Variants in TMEM168 observed in about 807,000 individuals in gnomAD.
TMEM168 encodes the protein transmembrane protein 168.
TMEM168 carries 40 observed loss-of-function variants against 53.2 expected under a neutral mutation model. The observed-to-expected ratio is 0.75, with a 90% confidence interval of 0.58 to 0.98. TMEM168 has a LOEUF of 0.98. Ranked by LOEUF, TMEM168 falls within the 50% of genes least tolerant of loss-of-function variation. The probability of loss-of-function intolerance (pLI) is 0.00; values close to 1 mark genes in which losing one functional copy is unlikely to be tolerated. For missense variants in TMEM168, 771 were observed against 828.8 expected, an observed-to-expected ratio of 0.93 and a Z score of 0.86; for synonymous variants, 282 against 293.0, an observed-to-expected ratio of 0.96 and a Z score of 0.38.
At chr7:112,787,138 A>T (rs1174757116) in intron 1 of TMEM168, among the ~76,000 whole-genome samples, 2 of 152,220 alleles carry the variant, frequency 1.3e-5, no homozygotes, top group Non-Finnish European at 2.9e-5. Flanking sequence ...TTTTAAAAAC[A>T]ATACCAAAAA....
Position 112,763,727 on chromosome 7 carries a change from A to G in TMEM168, c.*3470T>C, listed in dbSNP as rs902572955. ...GAATACATATAAAAAAGCAGTACCC[A>G]AGAGTAAATATGTTTGAGCCCAAAA... On this transcript the variant is annotated 3_prime_UTR_variant, in exon 5 of 5. Coordinates refer to ENST00000312814, the MANE Select transcript of TMEM168 (RefSeq NM_022484.6). The G allele has an allele frequency of 6.6e-6, 1 of 152,186 alleles. No homozygotes were observed. Among genetic ancestry groups the G allele is most frequent in the Non-Finnish European group, 1.5e-5 (1 of 68,010 alleles). The allele number at this position is 152,186 out of a possible 1,614,324, so 9.4% of individuals were successfully genotyped here.
At chr7:112,786,199 C>T (rs1212273536) in intron 1 of TMEM168, among the ~76,000 whole-genome samples, 1 of 152,066 alleles carries the variant, frequency 6.6e-6, no homozygotes, top group African/African-American at 2.4e-5. Context: ...GAGACTCTGC[C>T]TCCAAAAATA....
At chr7:112,783,663 C>T (rs1442669591) in intron 2 of TMEM168, 35 bp downstream of exon 2, 24 of 1,405,438 alleles carry the variant, frequency 1.7e-5, no homozygotes, top group East Asian at 1.0e-4. Flanking sequence ...TTTTATTACA[C>T]GTCATTGGGG....
chr7:112,770,419 G>A (rs968355004), intron 4 of TMEM168, among the ~76,000 whole-genome samples: 11 of 151,956 alleles, frequency 7.2e-5, no homozygotes, highest in Admixed American at 2.6e-4. Flanking sequence ...ACAAATCTTA[G>A]CTAACAGAGG....
In TMEM168 at chr7:112,774,369, T is replaced by C. The variant is rs897318619; in HGVS notation, c.1271+807A>G. Among the ~76,000 whole-genome samples the C allele has an allele frequency of 6.1e-5, 9 of 148,258 alleles. No homozygotes were observed. In the East Asian group the frequency reaches 1.8e-3, roughly 29 times the overall value. The stretch of plus-strand genomic sequence containing the variant: ...GCAGAGTGTTTTTACATTTTTTTTT[T>C]TTTTTTTTTTTTTTTTAGTGCTTCA... On this transcript the variant is annotated intron_variant, in intron 3 of 4. Transcript: ENST00000312814.
At chr7:112,775,351 C>T in intron 2 of TMEM168, 33 bp from the exon 3 acceptor site, 1 of 1,596,164 alleles carries the variant, frequency 6.3e-7, no homozygotes. Context: ...TTACATAGTA[C>T]ATGTACATAT....
intron 2 of TMEM168, among the ~76,000 whole-genome samples, chr7:112,781,386 G>C (rs888611893): frequency 6.6e-6 from 1 of 152,120 alleles, no homozygotes; most frequent in African/African-American, 2.4e-5. Context: ...AAATCACACA[G>C]TGTTCTCCAA....
In TMEM168 at chr7:112,773,062, T is replaced by C. The variant is rs1225444408; in HGVS notation, c.1272-7A>G. The stretch of plus-strand genomic sequence containing the variant: ...TGTTGGCTGACCATCAGGACTGAAG[T>C]AGGAGAAAAAACAAGAAGTACTCAT... On this transcript the variant is annotated splice_polypyrimidine_tract_variant and splice_region_variant and intron_variant, in intron 3 of 4. Coordinates refer to ENST00000312814, the MANE Select transcript of TMEM168 (RefSeq NM_022484.6). 6 of 1,583,390 alleles carry C rather than the reference T, an allele frequency of 3.8e-6. No individual in the cohort carries two copies. The highest frequency in any genetic ancestry group is 1.8e-5 in the Admixed American group (1 of 56,458).
chr7:112,767,783 G>T, intron 4 of TMEM168, 39 bp from the exon 5 acceptor site: 1 of 1,530,600 alleles, frequency 6.5e-7, no homozygotes, highest in Non-Finnish European at 8.8e-7. Flanking sequence ...AATAATTTCT[G>T]CAGCCTCTCA....
rs528222075 is a variant in TMEM168 at position 112,763,537 on chromosome 7, C to T, written c.*3660G>A. On this transcript the variant is annotated 3_prime_UTR_variant, in exon 5 of 5. Transcript: ENST00000312814. Reference sequence around the variant, plus strand: ...AATAGTTTCCAATACAGGAGACATTCGAAAGTACTGACAGATCTAACTCCT... The same window carrying T: ...AATAGTTTCCAATACAGGAGACATTTGAAAGTACTGACAGATCTAACTCCT... 10 of 152,086 alleles carry T rather than the reference C, an allele frequency of 6.6e-5. No individual in the cohort carries two copies. The highest frequency in any genetic ancestry group is 2.2e-4 in the African/African-American group (9 of 41,496). The allele number at this position is 152,086 out of a possible 1,614,324, so 9.4% of individuals were successfully genotyped here.
rs1281753883 is a variant in TMEM168 at position 112,765,314 on chromosome 7, G to A, written c.*1883C>T. ...CAGGAAATACATATGAAAAAGTTAG[G>A]TTTGTGGCTGTCAAACTGTCAGCTG... On this transcript the variant is annotated 3_prime_UTR_variant, in exon 5 of 5. Transcript: ENST00000312814. 1.3e-5 allele frequency: 2 copies of A among 152,094 alleles called. No individual in the cohort carries two copies. The highest frequency in any genetic ancestry group is 4.8e-5 in the African/African-American group (2 of 41,406). The allele number at this position is 152,094 out of a possible 1,614,324, so 9.4% of individuals were successfully genotyped here.
At chr7:112,778,866 T>A (rs1315410979) in intron 2 of TMEM168, among the ~76,000 whole-genome samples, 1 of 152,156 alleles carries the variant, frequency 6.6e-6, no homozygotes, top group Non-Finnish European at 1.5e-5. Context: ...CTACTTGCTT[T>A]TTATATTAAA....
intron 2 of TMEM168, among the ~76,000 whole-genome samples, chr7:112,779,399 G>A (rs1223642185): frequency 6.6e-5 from 10 of 152,196 alleles, no homozygotes; most frequent in Non-Finnish European, 1.2e-4. Flanking sequence ...AATTTAGGAT[G>A]TTTTGTCTGC....
intron 3 of TMEM168, among the ~76,000 whole-genome samples, chr7:112,774,072 C>G (rs1793003652): frequency 6.6e-6 from 1 of 152,084 alleles, no homozygotes; most frequent in African/African-American, 2.4e-5. Flanking sequence ...ATGTCAAATA[C>G]TTGAAATTGG....
At chr7:112,786,048 A>C (rs1479248389) in intron 1 of TMEM168, among the ~76,000 whole-genome samples, 1 of 152,104 alleles carries the variant, frequency 6.6e-6, no homozygotes, top group Admixed American at 6.5e-5. Flanking sequence ...TCTCTACTAA[A>C]AATACAAAAA....
Position 112,764,288 on chromosome 7 carries a change from T to C in TMEM168, c.*2909A>G, listed in dbSNP as rs952004549. 8 of 151,966 alleles carry C rather than the reference T, an allele frequency of 5.3e-5. No homozygotes were observed. The highest frequency in any genetic ancestry group is 1.4e-4 in the African/African-American group (6 of 41,408). 9.4% of individuals were successfully genotyped at this position (151,966 alleles called of 1,614,324 possible). A position where few individuals can be genotyped will look rare whatever the true frequency, so the allele number is the denominator to read the frequency against. ...GAAACAAATACTAAACAAAGTTATG[T>C]TGAAAAAATCTCCATGTTACCTCTT... On this transcript the variant is annotated 3_prime_UTR_variant, in exon 5 of 5. Transcript: ENST00000312814.
chr7:112,786,353 T>A (rs1310047027), intron 1 of TMEM168, among the ~76,000 whole-genome samples: 1 of 152,188 alleles, frequency 6.6e-6, no homozygotes, highest in Non-Finnish European at 1.5e-5. Context: ...AAAGCAACCT[T>A]AGGGTCTCTG....
At position 112,773,266 on chromosome 7, in the gene TMEM168, A is replaced by G. The variant is rs1792979477; in HGVS notation, c.1272-211T>C. On this transcript the variant is annotated intron_variant, in intron 3 of 4. Transcript: ENST00000312814. ...TCTAAATATTATATTTACTATCATTAAAACAATAATCAAATTAAAAGCTGG... is the reference window on the plus strand; with the variant it reads ...TCTAAATATTATATTTACTATCATTGAAACAATAATCAAATTAAAAGCTGG... Among the ~76,000 whole-genome samples, 2 of 152,196 alleles carry G rather than the reference A, an allele frequency of 1.3e-5. 1 individual carries two copies. The highest frequency in any genetic ancestry group is 4.1e-4 in the South Asian group (2 of 4,830).
intron 1 of TMEM168, chr7:112,788,363 G>A (rs1343756968): frequency 2.0e-5 from 3 of 151,948 alleles, no homozygotes; most frequent in Admixed American, 6.5e-5. Flanking sequence ...TGTTAACAGA[G>A]GTAAATACCT....
Sources: gnomAD v4.1 joint callset for allele counts (sites outside exome capture counted in the v4.1 genomes callset) on GRCh38, gnomAD v4.1.1 for gene constraint, MANE v1.5 for transcripts, NCBI Gene and HGNC (gene_info 2026-07-23, HGNC 2026-07-21) for gene names.